ANK3: variants seen among roughly 807,000 people sequenced by gnomAD.
The protein encoded by ANK3 is ankyrin-3.
ANK3 carries 57 observed loss-of-function variants against 370.9 expected under a neutral mutation model. The ratio of observed to expected loss-of-function variants is 0.15; its 90% CI spans 0.12 to 0.19. The LOEUF (loss-of-function observed/expected upper bound fraction) is 0.19, where lower values mean the gene tolerates loss of function less well. Among genes scored for constraint, ANK3 ranks in the 10% least tolerant of loss-of-function variants. The pLI is 1.00. For missense variants in ANK3, 4,439 were observed against 5,302.1 expected, an observed-to-expected ratio of 0.84 and a Z score of 5.06; for synonymous variants, 1,929 against 1,946.3, an observed-to-expected ratio of 0.99 and a Z score of 0.23.
At chr10:60,134,123 ATTTT>A (rs3217306) in intron 25 of ANK3, 144 bp downstream of exon 25, 9 of 590,674 alleles carry the variant, frequency 1.5e-5, no homozygotes, top group African/African-American at 1.2e-4. Flanking sequence ...AGTACAACTT[ATTTT>A]TTTTTAACTG....
Position 60,042,779 on chromosome 10 carries a change from A to G in ANK3, c.13066-20T>C, listed in dbSNP as rs377729203. ...TCCCTGCTTTGAAAGGAGTGTACAT[A>G]TTAAGATTTCACAGTGAAACAGTGT... On this transcript the variant is annotated intron_variant, in intron 42 of 43. Coordinates refer to ENST00000280772, the MANE Select transcript of ANK3 (RefSeq NM_020987.5). The G allele has an allele frequency of 6.2e-7, 1 of 1,611,394 alleles. No individual in the cohort carries two copies. Among genetic ancestry groups the G allele is most frequent in the Non-Finnish European group, 8.5e-7 (1 of 1,179,630 alleles).
chr10:60,444,429 C>CGT (rs374472777), intron 2 of ANK3, among the ~76,000 whole-genome samples: 25,510 of 147,930 alleles, frequency 0.17, 2,405 homozygotes, highest in South Asian at 0.29. Flanking sequence ...ATATAACATA[C>CGT]GTGTGTGTGT....
At chr10:60,099,420 T>C (rs1302739273) in intron 28 of ANK3, among the ~76,000 whole-genome samples, 1 of 152,170 alleles carries the variant, frequency 6.6e-6, no homozygotes, top group Non-Finnish European at 1.5e-5. Context: ...CCAAGGAAGA[T>C]ATCAAAGTTC....
chr10:60,296,961 C>T (rs1311887794), intron 1 of ANK3, among the ~76,000 whole-genome samples: 5 of 152,052 alleles, frequency 3.3e-5, no homozygotes, highest in Admixed American at 1.3e-4. Flanking sequence ...GCCTGGGCAA[C>T]GGAGTGAGAC....
intron 1 of ANK3, among the ~76,000 whole-genome samples, chr10:60,314,115 T>A (rs2046940114): frequency 6.6e-6 from 1 of 152,188 alleles, no homozygotes. Context: ...ACAGTGGTGA[T>A]TCTGATTAGG....
rs554864835 is a variant in ANK3 at position 60,695,721 on chromosome 10, A to G, written c.57+37542T>C. Among the ~76,000 whole-genome samples, 143 of 152,354 alleles carry G rather than the reference A, an allele frequency of 9.4e-4. 1 individual carries two copies. Among genetic ancestry groups the G allele is most frequent in the Middle Eastern group, 6.8e-3 (2 of 294 alleles). ...AAACCAATGAGAACAAAGACACAAC[A>G]TACCAGAATCTCTGGGATGCATTCA... On this transcript the variant is annotated intron_variant, in intron 1 of 43. Transcript: ENST00000373827.
chr10:60,132,296 G>T (rs1045790671), intron 25 of ANK3, among the ~76,000 whole-genome samples: 3 of 152,126 alleles, frequency 2.0e-5, no homozygotes, highest in Non-Finnish European at 4.4e-5. Flanking sequence ...ATCTTGAATT[G>T]TAGCTCCCAC....
Position 60,069,165 on chromosome 10 carries a change from A to G in ANK3, c.11716T>C (p.Cys3906Arg). The change falls in exon 37 of 44, where the codon TGT (cysteine) becomes CGT (arginine). Residue 3906 changes from cysteine to arginine, a missense_variant. Coordinates refer to ENST00000280772, the MANE Select transcript of ANK3 (RefSeq NM_020987.5). ...GGAATTCTGGACTTTACATCTACAC[A>G]TGAAGAAGTAGTAAGGGCTTTGGTT... ...EKTKALTTSSCVDVKSRIPVK... is the reference protein window; with the variant it reads ...EKTKALTTSSRVDVKSRIPVK... 6.2e-7 allele frequency: 1 copy of G among 1,614,186 alleles called. No individual in the cohort carries two copies. The highest frequency in any genetic ancestry group is 8.5e-7 in the Non-Finnish European group (1 of 1,180,028).
intron 2 of ANK3, among the ~76,000 whole-genome samples, chr10:60,611,608 GC>G (rs2078202644): frequency 6.6e-6 from 1 of 152,100 alleles, no homozygotes; most frequent in South Asian, 2.1e-4. Flanking sequence ...TTCAGACTTT[GC>G]CTGATATGCT....
At chr10:60,417,826 C>T (rs919605458) in intron 2 of ANK3, among the ~76,000 whole-genome samples, 1 of 152,086 alleles carries the variant, frequency 6.6e-6, no homozygotes, top group Non-Finnish European at 1.5e-5. Flanking sequence ...CCTTGGATCC[C>T]CTGCTTAGTA....
intron 2 of ANK3, among the ~76,000 whole-genome samples, chr10:60,500,955 C>T (rs1430662250): frequency 6.6e-6 from 1 of 152,116 alleles, no homozygotes; most frequent in Non-Finnish European, 1.5e-5. Flanking sequence ...TGCTATCTAC[C>T]TTGAGATATG....
intron 8 of ANK3, among the ~76,000 whole-genome samples, chr10:60,232,316 C>T (rs1233362468): frequency 6.6e-6 from 1 of 152,122 alleles, no homozygotes; most frequent in African/African-American, 2.4e-5. Context: ...TTCTGCGTGT[C>T]TTGGTAACCC....
intron 25 of ANK3, among the ~76,000 whole-genome samples, chr10:60,130,636 T>G (rs2094011032): frequency 6.6e-6 from 1 of 152,180 alleles, no homozygotes; most frequent in African/African-American, 2.4e-5. Context: ...AAACAGAAAC[T>G]AATAATTTTG....
chr10:60,543,588 T>C (rs527939907), intron 2 of ANK3, among the ~76,000 whole-genome samples: 3 of 152,176 alleles, frequency 2.0e-5, no homozygotes, highest in South Asian at 2.1e-4. Context: ...TGAAAGGGAA[T>C]TGACAACAGT....
In ANK3 at chr10:60,421,930, AG is replaced by A. The variant is rs1394125692; in HGVS notation, c.97-142292del. ...AAGAAGTTTATTGAAATGTGGCTTT[AG>A]TTTGGAAGGCCCTGACCCCAATGTG... On this transcript the variant is annotated intron_variant, in intron 2 of 43. Transcript: ENST00000373827. Among the ~76,000 whole-genome samples the A allele has an allele frequency of 2.0e-5, 3 of 152,102 alleles. No individual in the cohort carries two copies. In the East Asian group the frequency reaches 5.8e-4, roughly 29 times the overall value.
intron 1 of ANK3, among the ~76,000 whole-genome samples, chr10:60,366,335 A>T (rs891855321): frequency 2.0e-5 from 3 of 152,142 alleles, no homozygotes; most frequent in Non-Finnish European, 2.9e-5. Flanking sequence ...TCTGTCTCGA[A>T]AAAAACAAAA....
At chr10:60,532,674 T>A (rs1004560286) in intron 2 of ANK3, among the ~76,000 whole-genome samples, 2 of 152,052 alleles carry the variant, frequency 1.3e-5, no homozygotes, top group Non-Finnish European at 2.9e-5. Flanking sequence ...TGGATGATGA[T>A]CTCTTGGTTC....
chr10:60,492,923 A>C (rs2075557140), intron 2 of ANK3, among the ~76,000 whole-genome samples: 1 of 147,812 alleles, frequency 6.8e-6, no homozygotes, highest in Non-Finnish European at 1.5e-5. Flanking sequence ...AAAAATACAA[A>C]AAAAAAATTA....
In ANK3 at chr10:60,073,405, G is replaced by C. The variant is rs757694242; in HGVS notation, c.7476C>G (p.Ser2492Arg). The change falls in exon 37 of 44, where the codon AGC (serine) becomes AGG (arginine). Residue 2492 changes from serine to arginine, a missense_variant. Ser to Arg is a moderately radical substitution (Grantham distance 110). Coordinates refer to ENST00000280772, the MANE Select transcript of ANK3 (RefSeq NM_020987.5). ...GCTTATCAGACCCCTGTAACTCTGA[G>C]CTAGGGGGTCCTGCATGGTCTGTAA... The part of the protein sequence containing the change: ...ESVTDHAGPP[S>R]SELQGSDKRS... 6.2e-7 allele frequency: 1 copy of C among 1,613,664 alleles called. No homozygotes were observed. Among genetic ancestry groups the C allele is most frequent in the African/African-American group, 1.3e-5 (1 of 74,866 alleles).
Sources: gnomAD v4.1 joint callset for allele counts (sites outside exome capture counted in the v4.1 genomes callset) on GRCh38, gnomAD v4.1.1 for gene constraint, MANE v1.5 for transcripts, NCBI Gene and HGNC (gene_info 2026-07-23, HGNC 2026-07-21) for gene names.